FZD4: variants seen among roughly 807,000 people sequenced by gnomAD.
FZD4 encodes frizzled-4.
Under a neutral mutation model 37.3 loss-of-function variants are expected in FZD4, and 16 were observed. That is an observed-to-expected ratio of 0.43 (90% CI 0.29 to 0.65). FZD4 has a LOEUF of 0.65. Ranked by LOEUF, FZD4 falls within the 30% of genes least tolerant of loss-of-function variation. The pLI, the probability that FZD4 is intolerant of heterozygous loss-of-function variation, is 0.16. For synonymous variants in FZD4, 246 were observed against 254.8 expected (o/e 0.97, Z 0.33); for missense variants, 599 against 674.3 (o/e 0.89, Z 1.24).
At chr11:86,954,521 C>T (rs1355569690) in intron 1 of FZD4, 3 of 985,226 alleles carry the variant, frequency 3.0e-6, no homozygotes, top group Non-Finnish European at 3.6e-6. Context: ...AGAGATAACC[C>T]TCAGCTCCAC....
At position 86,951,838 on chromosome 11, in the gene FZD4, G is replaced by C. The variant is rs1949295051; in HGVS notation, c.918C>G (p.Phe306Leu). The C allele has an allele frequency of 6.2e-7, 1 of 1,613,734 alleles. No individual in the cohort carries two copies. Among genetic ancestry groups the C allele is most frequent in the African/African-American group, 1.3e-5 (1 of 75,056 alleles). Residue 306 changes from phenylalanine to leucine, a missense_variant, in exon 2 of 2, where the codon TTC (phenylalanine) becomes TTG (leucine). Phe to Leu is a conservative substitution (Grantham distance 22, BLOSUM62 0). This residue lies in a region of FZD4 where 357 missense variants were observed against 396.1 expected (regional missense o/e 0.90). Coordinates refer to ENST00000531380, the MANE Select transcript of FZD4 (RefSeq NM_012193.4). ...CCATTCCAAAAAAGTACATCAGCAA[G>C]AAAATTATTGCACATCCTGTGTTCT... is the stretch of plus-strand genomic sequence containing the variant. ...GLKNTGCAII[F>L]LLMYFFGMAS...
chr11:86,951,482 G>T lies in FZD4; in HGVS notation c.1274C>A (p.Thr425Lys), dbSNP rs965869392. 2.5e-6 allele frequency: 4 copies of T among 1,614,006 alleles called. No individual in the cohort carries two copies. In the Admixed American group the frequency reaches 6.7e-5, roughly 27 times the overall value. The change falls in exon 2 of 2, where the codon ACA becomes AAA. Residue 425 changes from threonine to lysine, a missense_variant. This residue lies in a region of FZD4 where 203 missense variants were observed against 196.8 expected (regional missense o/e 1.03). Coordinates refer to ENST00000531380, the MANE Select transcript of FZD4 (RefSeq NM_012193.4). ...CAGTCTTTCTAACTTGTCTGTCTTT[G>T]TCCCATCCTTTTGAAGATTTGACCG... ...KIRSNLQKDG[T>K]KTDKLERLMV...
rs1242051050 is a variant in FZD4 at position 86,948,808 on chromosome 11, T to G, written c.*2334A>C. ...TGGTCACACAATCACTGACACATTA[T>G]GAAGAAAACTGCATTACAAACCTCT... On this transcript the variant is annotated 3_prime_UTR_variant, in exon 2 of 2. Transcript: ENST00000531380. The G allele has an allele frequency of 6.5e-6, 1 of 152,678 alleles. No individual in the cohort carries two copies. The highest frequency in any genetic ancestry group is 2.1e-4 in the South Asian group (1 of 4,830). The allele number at this position is 152,678 out of a possible 1,614,324, so 9.5% of individuals were successfully genotyped here. A position where few individuals can be genotyped will look rare whatever the true frequency, so the allele number is the denominator to read the frequency against.
intron 1 of FZD4, chr11:86,954,314 A>G (rs1949318235): frequency 6.1e-6 from 6 of 985,174 alleles, no homozygotes; most frequent in Non-Finnish European, 7.2e-6. Context: ...CATGACCTCT[A>G]AAACGCTGCG....
rs1284311382 is a variant in FZD4, at chr11:86,955,191, G to C, written c.-106C>G. The stretch of plus-strand genomic sequence containing the variant: ...CCGCGCTGCTCCCAGCTCCCGGGAC[G>C]GGAGTGTGATGCGGCGACGAGGGGG... On this transcript the variant is annotated 5_prime_UTR_variant, in exon 1 of 2. Coordinates refer to ENST00000531380, the MANE Select transcript of FZD4 (RefSeq NM_012193.4). The C allele has an allele frequency of 1.1e-6, 1 of 921,602 alleles. No homozygotes were observed. Among genetic ancestry groups the C allele is most frequent in the South Asian group, 2.2e-5 (1 of 46,364 alleles). The allele number at this position is 921,602 out of a possible 1,614,324, so 57.1% of individuals were successfully genotyped here.
chr11:86,949,611 G>A lies in FZD4; in HGVS notation c.*1531C>T, dbSNP rs1037071930. ...AGAGAAAGGCCAGTTACAGTTTTAAGAGAAGTGCAATTTTCGAGAGGCTGC... is the reference window on the plus strand; with the variant it reads ...AGAGAAAGGCCAGTTACAGTTTTAAAAGAAGTGCAATTTTCGAGAGGCTGC... On this transcript the variant is annotated 3_prime_UTR_variant, in exon 2 of 2. Coordinates refer to ENST00000531380, the MANE Select transcript of FZD4 (RefSeq NM_012193.4). 119 of 152,674 alleles carry A rather than the reference G, an allele frequency of 7.8e-4. 1 individual carries two copies. Among genetic ancestry groups the A allele is most frequent in the Non-Finnish European group, 4.4e-5 (3 of 68,050 alleles). 9.5% of individuals were successfully genotyped at this position (152,674 alleles called of 1,614,324 possible). A position where few individuals can be genotyped will look rare whatever the true frequency, so the allele number is the denominator to read the frequency against.
Position 86,950,859 on chromosome 11 carries a change from C to T in FZD4, c.*283G>A, listed in dbSNP as rs574442380. ...TCCTGGAATCTAGGCAGGACCTCCA[C>T]GCTCCAAGCTGCAACCTGCTAAAGT... On this transcript the variant is annotated 3_prime_UTR_variant, in exon 2 of 2. Coordinates refer to ENST00000531380, the MANE Select transcript of FZD4 (RefSeq NM_012193.4). 27 of 489,416 alleles carry T rather than the reference C, an allele frequency of 5.5e-5. No homozygotes were observed. The highest frequency in any genetic ancestry group is 4.7e-4 in the East Asian group (12 of 25,744). 30.3% of individuals were successfully genotyped at this position (489,416 alleles called of 1,614,324 possible).
Position 86,952,191 on chromosome 11 carries a change from C to G in FZD4, c.565G>C (p.Asp189His). Residue 189 changes from aspartate to histidine, a missense_variant, in exon 2 of 2, where the codon GAT (aspartate) becomes CAT (histidine). Around this residue, in one of 3 missense-constraint regions of FZD4, gnomAD observed 357 missense variants for 396.1 expected, o/e 0.90. Transcript: ENST00000531380. The part of the protein sequence containing the change: ...EECHSVGTNS[D>H]QYIWVKRSLN... Reference sequence around the variant, plus strand: ...CTCCTTTTCACCCAGATGTACTGATCAGAATTGGTTCCCACAGAGTGACAC... The same window carrying G: ...CTCCTTTTCACCCAGATGTACTGATGAGAATTGGTTCCCACAGAGTGACAC... 1 of 1,613,240 alleles carries G rather than the reference C, an allele frequency of 6.2e-7. No homozygotes were observed. The highest frequency in any genetic ancestry group is 8.5e-7 in the Non-Finnish European group (1 of 1,179,398).
chr11:86,954,773 C>T, intron 1 of FZD4, 28 bp downstream of exon 1: 1 of 1,577,488 alleles, frequency 6.3e-7, no homozygotes, highest in Non-Finnish European at 8.6e-7. Context: ...CAAGGGGTCC[C>T]GCCAGGGGTG....
rs1949280962 is a variant in FZD4, at chr11:86,950,548, C to A, written c.*594G>T. 1 of 161,574 alleles carries A rather than the reference C, an allele frequency of 6.2e-6. No individual in the cohort carries two copies. Among genetic ancestry groups the A allele is most frequent in the African/African-American group, 2.4e-5 (1 of 41,500 alleles). 10.0% of individuals were successfully genotyped at this position (161,574 alleles called of 1,614,324 possible). On this transcript the variant is annotated 3_prime_UTR_variant, in exon 2 of 2. Transcript: ENST00000531380. ...TCAAATAACTGTTTTATGACAAAGG[C>A]ACTGAAAGATTCTAACACCACTTCT... is the stretch of plus-strand genomic sequence containing the variant.
Position 86,952,055 on chromosome 11 carries a change from G to A in FZD4, c.701C>T (p.Thr234Ile). 1 of 1,614,106 alleles carries A rather than the reference G, an allele frequency of 6.2e-7. No homozygotes were observed. Reference sequence around the variant, plus strand: ...CAGGAAGGTCAGTACTGTGAAGGCAGTGGAGATGAAACACAGGCTGGCCCA... The same window carrying A: ...CAGGAAGGTCAGTACTGTGAAGGCAATGGAGATGAAACACAGGCTGGCCCA... The part of the protein sequence containing the change: ...AVWASLCFIS[T>I]AFTVLTFLID... The change falls in exon 2 of 2, where the codon ACT (threonine) becomes ATT (isoleucine). Residue 234 changes from threonine to isoleucine, a missense_variant. Physicochemically the swap from Thr to Ile is moderately conservative, Grantham distance 89. This residue lies in a region of FZD4 where 357 missense variants were observed against 396.1 expected (regional missense o/e 0.90). Coordinates refer to ENST00000531380, the MANE Select transcript of FZD4 (RefSeq NM_012193.4).
rs1949239168 is a variant in FZD4 at position 86,945,959 on chromosome 11, C to T, written c.*5183G>A. The T allele has an allele frequency of 6.6e-6, 1 of 152,624 alleles. No individual in the cohort carries two copies. The highest frequency in any genetic ancestry group is 2.4e-5 in the African/African-American group (1 of 41,454). The allele number at this position is 152,624 out of a possible 1,614,324, so 9.5% of individuals were successfully genotyped here. A position where few individuals can be genotyped will look rare whatever the true frequency, so the allele number is the denominator to read the frequency against. ...TGGCATGAGGACCCAAGAAAGGCCA[C>T]AGAGCATCCAGCCCGACTGCTGCAC... On this transcript the variant is annotated 3_prime_UTR_variant, in exon 2 of 2. Transcript: ENST00000531380.
rs1172074775 is a variant in FZD4 at position 86,948,619 on chromosome 11, A to T, written c.*2523T>A. 1 of 152,202 alleles carries T rather than the reference A, an allele frequency of 6.6e-6. No homozygotes were observed. Among genetic ancestry groups the T allele is most frequent in the East Asian group, 1.9e-4 (1 of 5,188 alleles). The allele number at this position is 152,202 out of a possible 1,614,324, so 9.4% of individuals were successfully genotyped here. A position where few individuals can be genotyped will look rare whatever the true frequency, so the allele number is the denominator to read the frequency against. On this transcript the variant is annotated 3_prime_UTR_variant, in exon 2 of 2. Coordinates refer to ENST00000531380, the MANE Select transcript of FZD4 (RefSeq NM_012193.4). ...CTGAAAAGGCAAGAGATTTGTGGAAAAGGCATGTCAAAACCCAAAGCATTG... is the reference window on the plus strand; with the variant it reads ...CTGAAAAGGCAAGAGATTTGTGGAATAGGCATGTCAAAACCCAAAGCATTG...
Position 86,954,841 on chromosome 11 carries a change from A to T in FZD4, c.245T>A (p.Phe82Tyr). 6.2e-7 allele frequency: 1 copy of T among 1,612,946 alleles called. No homozygotes were observed. Among genetic ancestry groups the T allele is most frequent in the Non-Finnish European group, 8.5e-7 (1 of 1,179,708 alleles). ...GCAGCCGTACTGGATGAGCGGTGTG[A>T]AAGTTGTCAGCTGCAGCTCGGCGTC... Reference protein sequence around the residue: ...QTDAELQLTTFTPLIQYGCSS... With the variant: ...QTDAELQLTTYTPLIQYGCSS... The change falls in exon 1 of 2, where the codon TTC becomes TAC. Residue 82 changes from phenylalanine (F) to tyrosine (Y), a missense_variant. Physicochemically the swap from Phe to Tyr is conservative, Grantham distance 22. Around this residue, in one of 3 missense-constraint regions of FZD4, gnomAD observed 357 missense variants for 396.1 expected, o/e 0.90. Transcript: ENST00000531380.
chr11:86,949,190 T>C lies in FZD4; in HGVS notation c.*1952A>G, dbSNP rs1435750239. On this transcript the variant is annotated 3_prime_UTR_variant, in exon 2 of 2. Transcript: ENST00000531380. Reference sequence around the variant, plus strand: ...ACTTCAGTCTCAAAAGCCAAGACTTTGCCTTCCAAAACATACAATCGACTT... The same window carrying C: ...ACTTCAGTCTCAAAAGCCAAGACTTCGCCTTCCAAAACATACAATCGACTT... 6.6e-6 allele frequency: 1 copy of C among 152,164 alleles called. No homozygotes were observed. Among genetic ancestry groups the C allele is most frequent in the Non-Finnish European group, 1.5e-5 (1 of 68,026 alleles). 9.4% of individuals were successfully genotyped at this position (152,164 alleles called of 1,614,324 possible).
In FZD4 at chr11:86,955,350, C is replaced by G. The variant is rs896108827; in HGVS notation, c.-265G>C. 3.0e-5 allele frequency: 11 copies of G among 360,690 alleles called. No homozygotes were observed. The highest frequency in any genetic ancestry group is 4.2e-5 in the African/African-American group (2 of 47,156). 22.3% of individuals were successfully genotyped at this position (360,690 alleles called of 1,614,324 possible). On this transcript the variant is annotated 5_prime_UTR_variant, in exon 1 of 2. Transcript: ENST00000531380. ...CAAGCCGGCGCCGGCCGCGTCCGTT[C>G]GGCGTCTCCGCGAGGCCAGCCAGCA...
chr11:86,951,745 A>G lies in FZD4; in HGVS notation c.1011T>C (p.His337=). ...AAGAGCTGTGCATTTCAATGGCTTC[A>G]TGACCCCATTTGAGTCCTGCTGCCA... is the stretch of plus-strand genomic sequence containing the variant. ...WFLAAGLKWG[H]EAIEMHSSYF... is the part of the protein sequence containing the mutation. Residue 337 remains histidine (H), a synonymous_variant, in exon 2 of 2, where the codon CAT becomes CAC. Transcript: ENST00000531380. 1.2e-6 allele frequency: 2 copies of G among 1,614,204 alleles called. No homozygotes were observed. Among genetic ancestry groups the G allele is most frequent in the Non-Finnish European group, 1.7e-6 (2 of 1,180,038 alleles).
In FZD4 at chr11:86,949,152, C is replaced by T. The variant is rs547098195; in HGVS notation, c.*1990G>A. 1.3e-5 allele frequency: 2 copies of T among 152,282 alleles called. No individual in the cohort carries two copies. Among genetic ancestry groups the T allele is most frequent in the African/African-American group, 4.8e-5 (2 of 41,562 alleles). 9.4% of individuals were successfully genotyped at this position (152,282 alleles called of 1,614,324 possible). On this transcript the variant is annotated 3_prime_UTR_variant, in exon 2 of 2. Transcript: ENST00000531380. ...GACTGGGCACAGCAGCAGGGGCCAC[C>T]TGTGCCCACTTAACTTCAGTCTCAA... is the stretch of plus-strand genomic sequence containing the variant.
intron 1 of FZD4, 96 bp from the exon 2 acceptor site, chr11:86,952,566 A>G: frequency 1.5e-6 from 2 of 1,354,666 alleles, no homozygotes; most frequent in South Asian, 2.4e-5. Context: ...CTTCCAGGCA[A>G]TCTAGGTATC....
Sources: gnomAD v4.1 joint callset for allele counts on GRCh38, gnomAD v4.1.1 for gene constraint, gnomAD v4.1.1 regional missense constraint, MANE v1.5 for transcripts, NCBI Gene and HGNC (gene_info 2026-07-23, HGNC 2026-07-21) for gene names.